CNOT1: variants seen among roughly 807,000 people sequenced by gnomAD.
The protein encoded by CNOT1 is CCR4-NOT transcription complex subunit 1.
In CNOT1, 15 loss-of-function variants were observed where a neutral mutation model predicts 273.8. That is an observed-to-expected ratio of 0.05 (90% CI 0.04 to 0.08). The LOEUF is 0.08. Among genes scored for constraint, CNOT1 ranks in the 10% least tolerant of loss-of-function variants. The probability of loss-of-function intolerance (pLI) is 1.00; values close to 1 mark genes in which losing one functional copy is unlikely to be tolerated. For synonymous variants in CNOT1, 1,022 were observed against 1,005.5 expected, an observed-to-expected ratio of 1.02 and a Z score of -0.31; for missense variants, 1,644 against 2,912.2, an observed-to-expected ratio of 0.56 and a Z score of 10.02.
intron 17 of CNOT1, among the ~76,000 whole-genome samples, chr16:58,559,097 A>G (rs1372200627): frequency 6.6e-6 from 1 of 152,194 alleles, no homozygotes; most frequent in Admixed American, 6.5e-5. Flanking sequence ...CAGTTTTTTT[A>G]AAAGAATTTT....
At chr16:58,625,893 G>A (rs375293060) in intron 1 of CNOT1, among the ~76,000 whole-genome samples, 1 of 151,070 alleles carries the variant, frequency 6.6e-6, no homozygotes, top group Non-Finnish European at 1.5e-5. Context: ...GTATACACTG[G>A]GGGGCAGAAG....
chr16:58,570,884 TTAAC>T (rs145358207), intron 16 of CNOT1, among the ~76,000 whole-genome samples: 12,233 of 151,984 alleles, frequency 0.08, 651 homozygotes, highest in South Asian at 0.21. Flanking sequence ...AAATATCTAT[TTAAC>T]AGTAAGACAG....
chr16:58,541,799 C>T (rs2040102755), intron 33 of CNOT1, among the ~76,000 whole-genome samples, 179 bp from the exon 34 acceptor site: 1 of 152,182 alleles, frequency 6.6e-6, no homozygotes, highest in Admixed American at 6.5e-5. Flanking sequence ...TTCTCATTTC[C>T]CTGAATCCTG....
chr16:58,523,608 A>C (rs2151890726), intron 46 of CNOT1, 106 bp from the exon 47 acceptor site: 2 of 1,054,382 alleles, frequency 1.9e-6, no homozygotes, highest in East Asian at 4.8e-5. Flanking sequence ...TTTCAAATTA[A>C]TCTTTGGTTT....
In CNOT1 at chr16:58,556,931, C is replaced by T. The variant is rs781399907; in HGVS notation, c.2395G>A (p.Val799Met). The T allele has an allele frequency of 1.9e-6, 3 of 1,614,074 alleles. No homozygotes were observed. The highest frequency in any genetic ancestry group is 4.5e-5 in the East Asian group (2 of 44,884). Residue 799 changes from valine (V) to methionine (M), a missense_variant, in exon 19 of 49, where the codon GTG (valine) becomes ATG (methionine). By Grantham distance (21) the Val-to-Met change is conservative (BLOSUM62 1). This residue lies in a region of CNOT1 where 706 missense variants were observed against 1,021.2 expected (regional missense o/e 0.69). Coordinates refer to ENST00000317147, the MANE Select transcript of CNOT1 (RefSeq NM_016284.5). ...IGTGALGLPA[V>M]NNDPFVQRKL... ...CTCTGTACAAAAGGGTCGTTATTCA[C>T]TGCAGGGAGTCCAAGAGCACCAGTT...
chr16:58,525,444 C>T, intron 45 of CNOT1, 85 bp from the exon 46 acceptor site: 3 of 1,187,242 alleles, frequency 2.5e-6, no homozygotes, highest in South Asian at 1.4e-5. Flanking sequence ...CCTTCTTACA[C>T]CTTCATGGAA....
At chr16:58,530,725 A>C (rs2039752119) in intron 42 of CNOT1, 1 of 155,180 alleles carries the variant, frequency 6.4e-6, no homozygotes, top group Non-Finnish European at 1.4e-5. Context: ...CAGAGGTTGC[A>C]GTGAGCCGAG....
At chr16:58,529,939 A>G (rs563452082) in intron 43 of CNOT1, among the ~76,000 whole-genome samples, 1 of 152,158 alleles carries the variant, frequency 6.6e-6, no homozygotes, top group African/African-American at 2.4e-5. Flanking sequence ...AATGGTTAAA[A>G]TGAAAAACAG....
chr16:58,574,015 C>T (rs2041376931), intron 16 of CNOT1, among the ~76,000 whole-genome samples: 1 of 151,948 alleles, frequency 6.6e-6, no homozygotes, highest in Non-Finnish European at 1.5e-5. Flanking sequence ...CTTTGGGAGG[C>T]TGTGGCAGGA....
chr16:58,539,257 G>A (rs1013937639), intron 35 of CNOT1, among the ~76,000 whole-genome samples: 6 of 152,030 alleles, frequency 3.9e-5, no homozygotes, highest in African/African-American at 1.5e-4. Context: ...GCTTTGGGAG[G>A]CTCAGGAGGG....
chr16:58,588,141 A>G (rs2041936975), intron 3 of CNOT1, among the ~76,000 whole-genome samples: 1 of 152,100 alleles, frequency 6.6e-6, no homozygotes, highest in African/African-American at 2.4e-5. Context: ...TCTACTAAAA[A>G]TACAAAAATT....
At chr16:58,539,734 A>G in intron 35 of CNOT1, 34 bp downstream of exon 35, 1 of 1,575,960 alleles carries the variant, frequency 6.3e-7, no homozygotes, top group Non-Finnish European at 8.6e-7. Flanking sequence ...TTACACACCT[A>G]GCATTTTCTA....
chr16:58,548,909 G>C (rs1597438710), intron 25 of CNOT1, among the ~76,000 whole-genome samples: 1 of 152,148 alleles, frequency 6.6e-6, no homozygotes, highest in Admixed American at 6.5e-5. Flanking sequence ...GTTTATAATA[G>C]TTTAAGTGAT....
In CNOT1 at chr16:58,545,373, A is replaced by C; in HGVS notation, c.4125T>G (p.Thr1375=). ...YSLAGLAPHI[T]LNPTIPLFQA... ...AGTGTTTACTTACTGTTGGATTCAG[A>C]GTAATGTGTGGTGCCAAGCCCGCAA... The change falls in exon 30 of 49, where the codon ACT becomes ACG. Residue 1375 remains threonine (T), a synonymous_variant. Transcript: ENST00000317147. 1 of 1,613,816 alleles carries C rather than the reference A, an allele frequency of 6.2e-7. No homozygotes were observed. Among genetic ancestry groups the C allele is most frequent in the African/African-American group, 1.3e-5 (1 of 75,042 alleles).
intron 2 of CNOT1, among the ~76,000 whole-genome samples, chr16:58,593,198 G>A (rs1286113371): frequency 2.6e-5 from 4 of 152,074 alleles, no homozygotes; most frequent in Non-Finnish European, 4.4e-5. Flanking sequence ...TGAGGAGGGC[G>A]GGATCTCTCG....
chr16:58,613,558 T>A (rs2152037318), intron 1 of CNOT1, among the ~76,000 whole-genome samples: 1 of 122,940 alleles, frequency 8.1e-6, no homozygotes, highest in East Asian at 2.0e-4. Flanking sequence ...AACTATCAAC[T>A]GAAAGCCTAA....
chr16:58,580,147 T>C (rs1434863608), intron 12 of CNOT1, among the ~76,000 whole-genome samples: 3 of 150,632 alleles, frequency 2.0e-5, no homozygotes, highest in African/African-American at 7.3e-5. Flanking sequence ...GAGGCGGAGG[T>C]TGCAGTGAGC....
chr16:58,623,938 CTA>C (rs2043452106), intron 1 of CNOT1, among the ~76,000 whole-genome samples: 1 of 151,918 alleles, frequency 6.6e-6, no homozygotes, highest in South Asian at 2.1e-4. Flanking sequence ...TGCAGCAAGC[CTA>C]GATCGTGCCA....
chr16:58,595,858 G>A (rs996518248), intron 2 of CNOT1, among the ~76,000 whole-genome samples: 3 of 152,150 alleles, frequency 2.0e-5, no homozygotes, highest in Non-Finnish European at 2.9e-5. Context: ...TTCTAAAACA[G>A]GAATGCTTTT....
Sources: allele counts gnomAD v4.1 joint callset (sites outside exome capture counted in the v4.1 genomes callset), GRCh38; gene constraint gnomAD v4.1.1; regional missense constraint gnomAD v4.1.1; transcripts MANE v1.5; gene names NCBI Gene and HGNC (gene_info 2026-07-23, HGNC 2026-07-21).